RAPH1: variants seen among roughly 807,000 people sequenced by gnomAD.
RAPH1 encodes Ras association (RalGDS/AF-6) and pleckstrin homology domains 1.
Under a neutral mutation model 88.1 loss-of-function variants are expected in RAPH1, and 18 were observed. That is an observed-to-expected ratio of 0.20 (90% confidence interval 0.14 to 0.30). The LOEUF is 0.30. RAPH1 is among the 10% of genes least tolerant of loss of function. The pLI is 1.00. For synonymous variants in RAPH1, 587 were observed against 559.0 expected (o/e 1.05, Z -0.71); for missense variants, 1,448 against 1,543.2 (o/e 0.94, Z 1.03).
intron 10 of RAPH1, among the ~76,000 whole-genome samples, chr2:203,451,014 T>A (rs1338758064): frequency 6.6e-6 from 1 of 152,094 alleles, no homozygotes; most frequent in African/African-American, 2.4e-5. Flanking sequence ...AAGAGTACTA[T>A]GGTATAAGTA....
intron 10 of RAPH1, among the ~76,000 whole-genome samples, chr2:203,449,098 C>T (rs897418287): frequency 2.0e-5 from 3 of 152,226 alleles, no homozygotes; most frequent in Non-Finnish European, 2.9e-5. Context: ...AATTCCCAAA[C>T]GTTCCTTCTA....
chr2:203,510,619 C>A (rs1689292653), intron 1 of RAPH1, among the ~76,000 whole-genome samples: 1 of 151,844 alleles, frequency 6.6e-6, no homozygotes, highest in Non-Finnish European at 1.5e-5. Context: ...GGTCAGGCAG[C>A]CAATATACAT....
Position 203,434,131 on chromosome 2 carries a change from T to C in RAPH1, c.*5306A>G, listed in dbSNP as rs988475766. 2.0e-5 allele frequency: 3 copies of C among 152,372 alleles called. No homozygotes were observed. The highest frequency in any genetic ancestry group is 6.6e-5 in the Admixed American group (1 of 15,246). The allele number at this position is 152,372 out of a possible 1,614,324, so 9.4% of individuals were successfully genotyped here. ...ACATAATGAAATGAGCATACATTTATGCAGAAGAAAATAATAGCAACAAAG... is the reference window on the plus strand; with the variant it reads ...ACATAATGAAATGAGCATACATTTACGCAGAAGAAAATAATAGCAACAAAG... On this transcript the variant is annotated 3_prime_UTR_variant, in exon 14 of 14. Coordinates refer to ENST00000319170, the MANE Select transcript of RAPH1 (RefSeq NM_213589.3).
intron 1 of RAPH1, among the ~76,000 whole-genome samples, chr2:203,524,730 T>G (rs1690038920): frequency 6.6e-6 from 1 of 152,132 alleles, no homozygotes; most frequent in Non-Finnish European, 1.5e-5. Context: ...GGGGGACAAA[T>G]TACAAAGAGG....
rs747133585 is a variant in RAPH1 at position 203,438,297 on chromosome 2, T to C, written c.*1140A>G. 4.1e-5 allele frequency: 18 copies of C among 435,174 alleles called. No homozygotes were observed. The highest frequency in any genetic ancestry group is 7.4e-5 in the Non-Finnish European group (16 of 217,238). 27.0% of individuals were successfully genotyped at this position (435,174 alleles called of 1,614,324 possible). On this transcript the variant is annotated 3_prime_UTR_variant, in exon 14 of 14. Coordinates refer to ENST00000319170, the MANE Select transcript of RAPH1 (RefSeq NM_213589.3). Reference sequence around the variant, plus strand: ...CATATACAACCAGATTAATGACACCTGTACAGGGGCCAGTTCTGTTCTCTC... The same window carrying C: ...CATATACAACCAGATTAATGACACCCGTACAGGGGCCAGTTCTGTTCTCTC...
intron 13 of RAPH1, chr2:203,444,428 C>T (rs1169683431): frequency 2.4e-5 from 2 of 82,884 alleles, no homozygotes; most frequent in South Asian, 4.0e-4. Flanking sequence ...GACACTCTGT[C>T]AAAAAAAAAA....
At chr2:203,456,008 CAAAACAAAAACAAAAACAAAAACA>C (rs144160900) in intron 8 of RAPH1, among the ~76,000 whole-genome samples, 1 of 150,712 alleles carries the variant, frequency 6.6e-6, no homozygotes, top group Non-Finnish European at 1.5e-5. Flanking sequence ...GACTCTGTCT[CAAAACAAAAACAAAAACAAAAACA>C]AAAACAAAAA....
intron 1 of RAPH1, among the ~76,000 whole-genome samples, chr2:203,528,999 ATATATATTTT>A (rs1464408363): frequency 4.6e-4 from 37 of 81,130 alleles, no homozygotes; most frequent in African/African-American, 2.4e-3. Context: ...ATATATATAT[ATATATATTTT>A]TTTTTTTTTT....
Position 203,523,253 on chromosome 2 carries a change from C to T in RAPH1, c.-1+11858G>A, listed in dbSNP as rs1200032111. Among the ~76,000 whole-genome samples, 7 of 151,582 alleles carry T rather than the reference C, an allele frequency of 4.6e-5. No homozygotes were observed. In the East Asian group the frequency reaches 1.2e-3, roughly 25 times the overall value. On this transcript the variant is annotated intron_variant, in intron 1 of 13. Coordinates refer to ENST00000319170, the MANE Select transcript of RAPH1 (RefSeq NM_213589.3). ...TTAAAAATACAAAAAATTAGCTGGG[C>T]GTGGTGGCGGGCGCCTGTAGTCCCA...
At chr2:203,450,241 A>C (rs1014014092) in intron 10 of RAPH1, among the ~76,000 whole-genome samples, 1 of 152,202 alleles carries the variant, frequency 6.6e-6, no homozygotes, top group Non-Finnish European at 1.5e-5. Context: ...ATGAGGGAAA[A>C]AAAAAAGAAA....
At position 203,434,087 on chromosome 2, in the gene RAPH1, C is replaced by T. The variant is rs1175242705; in HGVS notation, c.*5350G>A. On this transcript the variant is annotated 3_prime_UTR_variant, in exon 14 of 14. Coordinates refer to ENST00000319170, the MANE Select transcript of RAPH1 (RefSeq NM_213589.3). ...ATATATATATATATATATAGCTTTG[C>T]ACAATCAGGGAGCAAGGCACATAAT... The T allele has an allele frequency of 1.4e-5, 2 of 146,986 alleles. No homozygotes were observed. Among genetic ancestry groups the T allele is most frequent in the Middle Eastern group, 3.2e-3 (1 of 310 alleles). The allele number at this position is 146,986 out of a possible 1,614,324, so 9.1% of individuals were successfully genotyped here. A position where few individuals can be genotyped will look rare whatever the true frequency, so the allele number is the denominator to read the frequency against.
At chr2:203,513,218 G>C (rs1343108916) in intron 1 of RAPH1, among the ~76,000 whole-genome samples, 1 of 150,772 alleles carries the variant, frequency 6.6e-6, no homozygotes, top group African/African-American at 2.5e-5. Context: ...ATGGGGGGGG[G>C]AATAGATGAA....
In RAPH1 at chr2:203,522,072, T is replaced by C. The variant is rs181947051; in HGVS notation, c.-1+13039A>G. Reference sequence around the variant, plus strand: ...ACATCTGATTCTAAAAGTATCAGACTATCTTTAAAGATTGGCCTCTTTAAA... The same window carrying C: ...ACATCTGATTCTAAAAGTATCAGACCATCTTTAAAGATTGGCCTCTTTAAA... On this transcript the variant is annotated intron_variant, in intron 1 of 13. Coordinates refer to ENST00000319170, the MANE Select transcript of RAPH1 (RefSeq NM_213589.3). Among the ~76,000 whole-genome samples, 729 of 152,350 alleles carry C rather than the reference T, an allele frequency of 4.8e-3. 5 individuals are homozygous for C. Among genetic ancestry groups the C allele is most frequent in the African/African-American group, 0.016 (683 of 41,586 alleles).
chr2:203,451,694 T>G (rs1397463568), intron 10 of RAPH1, among the ~76,000 whole-genome samples: 1 of 152,212 alleles, frequency 6.6e-6, no homozygotes, highest in Non-Finnish European at 1.5e-5. Flanking sequence ...AACATTTCAT[T>G]TTTAAAATGA....
intron 4 of RAPH1, among the ~76,000 whole-genome samples, chr2:203,481,943 C>A (rs1166821919): frequency 6.6e-6 from 1 of 151,334 alleles, no homozygotes; most frequent in East Asian, 1.9e-4. Flanking sequence ...AAAGGTCCTT[C>A]ACCAGCCCTC....
rs372473973 is a variant in RAPH1 at position 203,501,544 on chromosome 2, G to C, written c.1-6191C>G. Among the ~76,000 whole-genome samples the C allele has an allele frequency of 2.6e-5, 4 of 152,208 alleles. 1 individual carries two copies. The East Asian group carries it at 5.8e-4, about 22-fold the overall frequency. On this transcript the variant is annotated intron_variant, in intron 1 of 13. Coordinates refer to ENST00000319170, the MANE Select transcript of RAPH1 (RefSeq NM_213589.3). Reference sequence around the variant, plus strand: ...CAACTTTGGGAGGCCAAGGCGGGCAGACTGCTTGAGCCCAGGAGTTTGAGA... The same window carrying C: ...CAACTTTGGGAGGCCAAGGCGGGCACACTGCTTGAGCCCAGGAGTTTGAGA...
At chr2:203,524,004 A>AAAAGT (rs1204831699) in intron 1 of RAPH1, among the ~76,000 whole-genome samples, 1 of 152,244 alleles carries the variant, frequency 6.6e-6, no homozygotes, top group African/African-American at 2.4e-5. Flanking sequence ...ACTCTGTCTC[A>AAAAGT]AAAGTAAAAA....
At chr2:203,506,228 TCAAA>T (rs1306800835) in intron 1 of RAPH1, among the ~76,000 whole-genome samples, 1 of 152,116 alleles carries the variant, frequency 6.6e-6, no homozygotes, top group African/African-American at 2.4e-5. Flanking sequence ...ACTCAAGGTT[TCAAA>T]CAGACAAAAA....
intron 4 of RAPH1, among the ~76,000 whole-genome samples, chr2:203,469,719 T>C (rs1368282322): frequency 4.6e-5 from 7 of 152,210 alleles, no homozygotes; most frequent in African/African-American, 1.7e-4. Context: ...CTGGCTGGAC[T>C]GATTCAAAAC....
Sources: allele counts gnomAD v4.1 joint callset (sites outside exome capture counted in the v4.1 genomes callset), GRCh38; gene constraint gnomAD v4.1.1; transcripts MANE v1.5; gene names NCBI Gene and HGNC (gene_info 2026-07-23, HGNC 2026-07-21).